Variants in ADGRA2 observed in about 807,000 individuals in gnomAD.
The protein encoded by ADGRA2 is adhesion G protein-coupled receptor A2.
In ADGRA2, 61 loss-of-function variants were observed where a neutral mutation model predicts 98.7. The ratio of observed to expected loss-of-function variants is 0.62; its 90% CI spans 0.50 to 0.76. The LOEUF (loss-of-function observed/expected upper bound fraction) is 0.76. ADGRA2 is among the 30% of genes least tolerant of loss of function. The pLI is 0.00. For missense variants in ADGRA2, 1,712 were observed against 1,860.0 expected, an observed-to-expected ratio of 0.92 and a Z score of 1.46; for synonymous variants, 858 against 831.5, an observed-to-expected ratio of 1.03 and a Z score of -0.55.
chr8:37,829,443 T>G (rs1425938676), intron 4 of ADGRA2, 45 bp from the exon 5 acceptor site: 9 of 1,563,382 alleles, frequency 5.8e-6, no homozygotes, highest in Non-Finnish European at 7.9e-6. Context: ...CGCCGGCCCA[T>G]GGACACCCTA....
At chr8:37,798,580 C>T (rs1804411589) in intron 1 of ADGRA2, among the ~76,000 whole-genome samples, 1 of 152,240 alleles carries the variant, frequency 6.6e-6, no homozygotes, top group Non-Finnish European at 1.5e-5. Context: ...CCCGCGGCCG[C>T]CGCTTCCTTT....
intron 1 of ADGRA2, among the ~76,000 whole-genome samples, chr8:37,800,177 A>G (rs142492475): frequency 6.6e-6 from 1 of 152,272 alleles, no homozygotes; most frequent in Non-Finnish European, 1.5e-5. Context: ...AACAAGAGAA[A>G]AGCATAACTC....
intron 2 of ADGRA2, 35 bp downstream of exon 2, chr8:37,815,002 G>C (rs773743677): frequency 1.3e-6 from 2 of 1,486,018 alleles, no homozygotes; most frequent in South Asian, 2.3e-5. Context: ...GAGGAGGGGG[G>C]TGGCCGTGAT....
chr8:37,797,217 C>T lies in ADGRA2; in HGVS notation c.-52C>T. ...CTCCCGCACGCCTGGGTCCCTCCGG[C>T]CGGCGCGCAGCCCGGCCCCAGCGCT... On this transcript the variant is annotated 5_prime_UTR_variant, in exon 1 of 19. Transcript: ENST00000412232. The surrounding 1 kb of genome is among the most constrained non-coding windows in gnomAD (Gnocchi z 5.3). 8.4e-7 allele frequency: 1 copy of T among 1,196,312 alleles called. No individual in the cohort carries two copies. Among genetic ancestry groups the T allele is most frequent in the Non-Finnish European group, 1.0e-6 (1 of 964,872 alleles). 74.1% of individuals were successfully genotyped at this position (1,196,312 alleles called of 1,614,324 possible).
At position 37,836,094 on chromosome 8, in the gene ADGRA2, CACA is replaced by C. The variant is rs1403124930; in HGVS notation, c.2050+325_2050+327del. On this transcript the variant is annotated intron_variant, in intron 13 of 18. Coordinates refer to ENST00000412232, the MANE Select transcript of ADGRA2 (RefSeq NM_032777.10). The stretch of plus-strand genomic sequence containing the variant: ...ACACACACACACACACACACACACA[CACA>C]CCCCACAGGCCCAATGCAGACAAGT... 5.8e-3 allele frequency among the ~76,000 whole-genome samples: 776 copies of C among 133,534 alleles called. 3 individuals are homozygous for C. The highest frequency in any genetic ancestry group is 8.0e-3 in the Non-Finnish European group (505 of 63,394). 87.6% of individuals were successfully genotyped at this position (133,534 alleles called of 152,430 possible).
rs980115871 is a variant in ADGRA2 at position 37,834,658 on chromosome 8, C to T, written c.1609-516C>T. Among the ~76,000 whole-genome samples the T allele has an allele frequency of 3.9e-5, 6 of 152,092 alleles. No individual in the cohort carries two copies. Among genetic ancestry groups the T allele is most frequent in the Non-Finnish European group, 8.8e-5 (6 of 68,022 alleles). On this transcript the variant is annotated intron_variant, in intron 11 of 18. Transcript: ENST00000412232. The surrounding 1 kb of genome is among the most constrained non-coding windows in gnomAD (Gnocchi z 4.2). ...CCTGTAATCCCAGCACGTTGGGAGG[C>T]CGATACAGGAGGATCTCCCAAGGCC...
Position 37,797,432 on chromosome 8 carries a change from G to T in ADGRA2, c.164G>T (p.Ser55Ile). The change falls in exon 1 of 19, where the codon AGC (serine) becomes ATC (isoleucine). Residue 55 changes from serine (S) to isoleucine (I), a missense_variant. Transcript: ENST00000412232. This position sits in a 1 kb window ranked among gnomAD's most constrained non-coding sequence, Gnocchi z 5.3. Reference sequence around the variant, plus strand: ...TCGGGGGAGCGGCCCAAGGGGCTGAGCGGCGGCGTCCCTGGCCCGGCTCGG... The same window carrying T: ...TCGGGGGAGCGGCCCAAGGGGCTGATCGGCGGCGTCCCTGGCCCGGCTCGG... ...KCSGERPKGL[S>I]GGVPGPARRR... The T allele has an allele frequency of 7.0e-7, 1 of 1,420,740 alleles. No homozygotes were observed. 88.0% of individuals were successfully genotyped at this position (1,420,740 alleles called of 1,614,324 possible).
chr8:37,841,393 C>G lies in ADGRA2; in HGVS notation c.3055C>G (p.Leu1019Val), dbSNP rs1805786863. ...CAGCCTCTATTCTCCGGGAGTCCAGCTAGGGGCGCTGGTGACCACGCACTT... is the reference window on the plus strand; with the variant it reads ...CAGCCTCTATTCTCCGGGAGTCCAGGTAGGGGCGCTGGTGACCACGCACTT... Reference protein sequence around the residue: ...GDSLYSPGVQLGALVTTHFLY... With the variant: ...GDSLYSPGVQVGALVTTHFLY... The change falls in exon 19 of 19, where the codon CTA becomes GTA. Residue 1019 changes from leucine (L) to valine (V), a missense_variant. Coordinates refer to ENST00000412232, the MANE Select transcript of ADGRA2 (RefSeq NM_032777.10). The surrounding 1 kb of genome is among the most constrained non-coding windows in gnomAD (Gnocchi z 5.0). The G allele has an allele frequency of 1.9e-6, 3 of 1,612,134 alleles. No homozygotes were observed. The highest frequency in any genetic ancestry group is 2.5e-6 in the Non-Finnish European group (3 of 1,179,462).
Position 37,842,537 on chromosome 8 carries a change from A to G in ADGRA2, c.*182A>G. 1.9e-6 allele frequency: 2 copies of G among 1,050,808 alleles called. No individual in the cohort carries two copies. The highest frequency in any genetic ancestry group is 3.2e-5 in the East Asian group (1 of 31,184). 65.1% of individuals were successfully genotyped at this position (1,050,808 alleles called of 1,614,324 possible). On this transcript the variant is annotated 3_prime_UTR_variant, in exon 19 of 19. Coordinates refer to ENST00000412232, the MANE Select transcript of ADGRA2 (RefSeq NM_032777.10). ...CATCCCTCTGGGGTAGCGACAGACA[A>G]TCCCAGAAACACGCATAATACATTT... is the stretch of plus-strand genomic sequence containing the variant.
rs777802540 is a variant in ADGRA2, at chr8:37,842,140, C to G, written c.3802C>G (p.Arg1268Gly). 6.7e-7 allele frequency: 1 copy of G among 1,497,654 alleles called. No individual in the cohort carries two copies. Among genetic ancestry groups the G allele is most frequent in the Non-Finnish European group, 8.8e-7 (1 of 1,130,950 alleles). The allele number at this position is 1,497,654 out of a possible 1,614,324, so 92.8% of individuals were successfully genotyped here. ...CGCCGCGCCGCTTTCTGAGGCGGGC[C>G]GGGCAGGCCAGCGCCGCAGCGCCAG... is the stretch of plus-strand genomic sequence containing the variant. ...TSAAPLSEAG[R>G]AGQRRSASRD... The change falls in exon 19 of 19, where the codon CGG (arginine) becomes GGG (glycine). Residue 1268 changes from arginine (R) to glycine (G), a missense_variant. Transcript: ENST00000412232.
chr8:37,824,369 T>C (rs1805210629), intron 2 of ADGRA2, among the ~76,000 whole-genome samples: 1 of 152,052 alleles, frequency 6.6e-6, no homozygotes, highest in East Asian at 1.9e-4. Flanking sequence ...TTTTTGCTAT[T>C]GAGTTGTAAG....
At chr8:37,829,050 C>G in intron 3 of ADGRA2, 91 bp downstream of exon 3, 2 of 884,156 alleles carry the variant, frequency 2.3e-6, no homozygotes, top group Non-Finnish European at 3.4e-6. Context: ...TTCCTCTCAC[C>G]CCCCCACACC....
At chr8:37,816,700 G>A (rs567696039) in intron 2 of ADGRA2, among the ~76,000 whole-genome samples, 6 of 146,830 alleles carry the variant, frequency 4.1e-5, no homozygotes, top group African/African-American at 1.5e-4. Context: ...GGTGGATCAC[G>A]AGGTCAGGAG....
chr8:37,803,457 G>A (rs890875133), intron 1 of ADGRA2, among the ~76,000 whole-genome samples: 7 of 152,160 alleles, frequency 4.6e-5, no homozygotes, highest in Non-Finnish European at 7.4e-5. Flanking sequence ...AGGAAGATCC[G>A]CTAACCGCTA....
chr8:37,810,174 A>C (rs112921977), intron 1 of ADGRA2, among the ~76,000 whole-genome samples: 5,133 of 151,820 alleles, frequency 0.034, 267 homozygotes, highest in African/African-American at 0.11. Flanking sequence ...TATATATATA[A>C]AAATATATAT....
chr8:37,841,224 C>G lies in ADGRA2; in HGVS notation c.2886C>G (p.Asn962Lys). ...TGGCACAGAACCCCAAGGCGGGCAA[C>G]AGCAGGGCCTCCCTGGAGGCAGGGG... ...GPLAQNPKAGNSRASLEAGEE... is the reference protein window; with the variant it reads ...GPLAQNPKAGKSRASLEAGEE... The change falls in exon 19 of 19, where the codon AAC becomes AAG. Residue 962 changes from asparagine (N) to lysine (K), a missense_variant. Transcript: ENST00000412232. This position sits in a 1 kb window ranked among gnomAD's most constrained non-coding sequence, Gnocchi z 5.0. 1 of 1,613,670 alleles carries G rather than the reference C, an allele frequency of 6.2e-7. No individual in the cohort carries two copies. The highest frequency in any genetic ancestry group is 8.5e-7 in the Non-Finnish European group (1 of 1,180,024).
At position 37,835,338 on chromosome 8, in the gene ADGRA2, G is replaced by T; in HGVS notation, c.1773G>T (p.Gln591His). Residue 591 changes from glutamine to histidine, a missense_variant, in exon 12 of 19, where the codon CAG becomes CAT. Transcript: ENST00000412232. Reference protein sequence around the residue: ...PPEPEPPADQQLRFRCTTGRP... With the variant: ...PPEPEPPADQHLRFRCTTGRP... Reference sequence around the variant, plus strand: ...AGCCCGAGCCCCCAGCTGACCAGCAGCTCCGCTTCCGCTGCACCACCGGGA... The same window carrying T: ...AGCCCGAGCCCCCAGCTGACCAGCATCTCCGCTTCCGCTGCACCACCGGGA... The T allele has an allele frequency of 6.2e-7, 1 of 1,613,422 alleles. No homozygotes were observed. Among genetic ancestry groups the T allele is most frequent in the Non-Finnish European group, 8.5e-7 (1 of 1,179,982 alleles).
chr8:37,824,327 C>A (rs1224700669), intron 2 of ADGRA2, among the ~76,000 whole-genome samples: 2 of 151,238 alleles, frequency 1.3e-5, no homozygotes, highest in Non-Finnish European at 2.9e-5. Context: ...TCATGCCCAG[C>A]CTGCCCATTT....
chr8:37,813,432 G>GT (rs1804895556), intron 1 of ADGRA2, among the ~76,000 whole-genome samples: 1 of 152,106 alleles, frequency 6.6e-6, no homozygotes, highest in Non-Finnish European at 1.5e-5. Flanking sequence ...AAATAATAAC[G>GT]TGAGTTCATA....
Sources: allele counts gnomAD v4.1 joint callset (sites outside exome capture counted in the v4.1 genomes callset), GRCh38; gene constraint gnomAD v4.1.1; non-coding constraint Gnocchi (gnomAD v3.1); transcripts MANE v1.5; gene names NCBI Gene and HGNC (gene_info 2026-07-23, HGNC 2026-07-21).